GSR: variants seen among roughly 807,000 people sequenced by gnomAD.
GSR encodes the protein glutathione-disulfide reductase.
Under a neutral mutation model 56.5 loss-of-function variants are expected in GSR, and 48 were observed. That is an observed-to-expected ratio of 0.85 (90% CI 0.67 to 1.08). The LOEUF is 1.08. GSR is among the 50% of genes least tolerant of loss of function. The pLI, the probability that GSR is intolerant of heterozygous loss-of-function variation, is 0.00. For synonymous variants in GSR, 264 were observed against 270.8 expected, an observed-to-expected ratio of 0.97 and a Z score of 0.25; for missense variants, 694 against 703.3, an observed-to-expected ratio of 0.99 and a Z score of 0.15.
intron 10 of GSR, among the ~76,000 whole-genome samples, chr8:30,683,613 C>G (rs1319789998): frequency 6.6e-6 from 1 of 151,824 alleles, no homozygotes; most frequent in South Asian, 2.1e-4. Flanking sequence ...ATGGTAAAAC[C>G]CTGTCTCTAC....
At chr8:30,717,618 G>A (rs1804379902) in intron 1 of GSR, among the ~76,000 whole-genome samples, 1 of 152,102 alleles carries the variant, frequency 6.6e-6, no homozygotes, top group South Asian at 2.1e-4. Flanking sequence ...TGCAAGGGAT[G>A]TAGGTTGCAC....
intron 1 of GSR, among the ~76,000 whole-genome samples, chr8:30,718,537 A>G (rs1156465094): frequency 6.6e-6 from 1 of 152,202 alleles, no homozygotes; most frequent in African/African-American, 2.4e-5. Flanking sequence ...CACACAAGGC[A>G]TACGGAAAGG....
chr8:30,715,326 T>G (rs1804296155), intron 1 of GSR, among the ~76,000 whole-genome samples: 1 of 151,756 alleles, frequency 6.6e-6, no homozygotes. Flanking sequence ...CGTATGGCTT[T>G]CTATCTAGAG....
intron 1 of GSR, among the ~76,000 whole-genome samples, chr8:30,719,760 T>C (rs1804466229): frequency 6.6e-6 from 1 of 152,048 alleles, no homozygotes; most frequent in Admixed American, 6.6e-5. Context: ...TGATAACAGG[T>C]GGCAAAATTC....
Position 30,684,484 on chromosome 8 carries a change from T to A in GSR, c.1042-285A>T, listed in dbSNP as rs186267280. On this transcript the variant is annotated intron_variant, in intron 9 of 12. Coordinates refer to ENST00000221130, the MANE Select transcript of GSR (RefSeq NM_000637.5). Reference sequence around the variant, plus strand: ...TTGGGCAACACAGTGAGACCCTGCCTCTGTTAGAAATTAGAAAAAAAAAAG... The same window carrying A: ...TTGGGCAACACAGTGAGACCCTGCCACTGTTAGAAATTAGAAAAAAAAAAG... Among the ~76,000 whole-genome samples the A allele has an allele frequency of 4.5e-3, 689 of 152,222 alleles. 4 individuals carry two copies. The highest frequency in any genetic ancestry group is 7.5e-3 in the Non-Finnish European group (509 of 68,014).
At chr8:30,703,636 C>T (rs1269402075) in intron 4 of GSR, among the ~76,000 whole-genome samples, 1 of 151,622 alleles carries the variant, frequency 6.6e-6, no homozygotes, top group African/African-American at 2.4e-5. Context: ...AGTCCCAGCT[C>T]TTTGAGGGGC....
At chr8:30,697,304 C>T (rs1164299723) in intron 6 of GSR, among the ~76,000 whole-genome samples, 1 of 151,950 alleles carries the variant, frequency 6.6e-6, no homozygotes. Flanking sequence ...ATCCCAGCTA[C>T]TCGGGAGGCT....
At chr8:30,689,852 T>A (rs550832486) in intron 8 of GSR, among the ~76,000 whole-genome samples, 21 of 142,720 alleles carry the variant, frequency 1.5e-4, no homozygotes, top group African/African-American at 2.3e-4. Flanking sequence ...ATATTATATA[T>A]AAATATATTT....
intron 1 of GSR, among the ~76,000 whole-genome samples, chr8:30,718,335 C>T (rs1399524932): frequency 1.3e-5 from 2 of 152,050 alleles, no homozygotes; most frequent in African/African-American, 4.8e-5. Context: ...TCTCAGCTCT[C>T]CCATTTAGTG....
intron 2 of GSR, among the ~76,000 whole-genome samples, chr8:30,710,897 AACTTGTACCAATCAAC>A (rs2128746470): frequency 6.6e-6 from 1 of 152,094 alleles, no homozygotes; most frequent in South Asian, 2.1e-4. Context: ...AAAAAAAATA[AACTTGTACCAATCAAC>A]ACGAAATTTA....
intron 3 of GSR, among the ~76,000 whole-genome samples, chr8:30,708,854 G>A (rs201866399): frequency 1.3e-5 from 2 of 151,678 alleles, no homozygotes; most frequent in Non-Finnish European, 2.9e-5. Flanking sequence ...AGCTACTCAG[G>A]AGGCTGAGGC....
At chr8:30,685,211 C>T (rs574801204) in intron 9 of GSR, among the ~76,000 whole-genome samples, 3 of 152,184 alleles carry the variant, frequency 2.0e-5, no homozygotes, top group South Asian at 4.1e-4. Flanking sequence ...CCACCTGCCT[C>T]GGCCTCCCAG....
At chr8:30,699,651 C>T in intron 6 of GSR, among the ~76,000 whole-genome samples, 1 of 151,624 alleles carries the variant, frequency 6.6e-6, no homozygotes, top group Non-Finnish European at 1.5e-5. Flanking sequence ...ACCATGTTGG[C>T]CAGGCTGGTC....
In GSR at chr8:30,679,569, G is replaced by A. The variant is rs149225584; in HGVS notation, c.1520C>T (p.Thr507Ile). The stretch of plus-strand genomic sequence containing the variant: ...TGAAGAGGTAGGGTGAATGGCGACT[G>A]TGTTGTCAAAGTCTGCCTTCGTTGC... ...MGATKADFDN[T>I]VAIHPTSSEE... The change falls in exon 13 of 13, where the codon ACA becomes ATA. Residue 507 changes from threonine (T) to isoleucine (I), a missense_variant. Thr to Ile is a moderately conservative substitution (Grantham distance 89). Coordinates refer to ENST00000221130, the MANE Select transcript of GSR (RefSeq NM_000637.5). 92 of 1,613,936 alleles carry A rather than the reference G, an allele frequency of 5.7e-5. No homozygotes were observed. In the East Asian group the frequency reaches 1.6e-3, roughly 28 times the overall value.
intron 2 of GSR, among the ~76,000 whole-genome samples, chr8:30,711,514 G>GA (rs1418729894): frequency 1.3e-5 from 2 of 152,150 alleles, no homozygotes; most frequent in African/African-American, 4.8e-5. Context: ...TTTTTGCTGA[G>GA]AAAAAACTAT....
At chr8:30,709,715 A>C (rs1413497961) in intron 3 of GSR, 99 bp downstream of exon 3, 1 of 740,200 alleles carries the variant, frequency 1.4e-6, no homozygotes, top group Non-Finnish European at 2.5e-6. Context: ...GTGAATATTT[A>C]CCGCAATTCC....
At chr8:30,700,176 T>G in intron 5 of GSR, 41 bp from the exon 6 acceptor site, 1 of 1,377,908 alleles carries the variant, frequency 7.3e-7, no homozygotes. Context: ...AAGACTGCTC[T>G]TTCTCTTGCA....
chr8:30,710,714 C>CAAAAAAAAAAAAAAAAAAAAA (rs60532553), intron 2 of GSR, among the ~76,000 whole-genome samples: 1 of 51,044 alleles, frequency 2.0e-5, no homozygotes, highest in African/African-American at 6.6e-5. Flanking sequence ...GACTCTGTCT[C>CAAAAAAAAAAAAAAAAAAAAA]AAAAAAAAAA....
intron 11 of GSR, among the ~76,000 whole-genome samples, chr8:30,681,654 G>A (rs929447921): frequency 6.6e-6 from 1 of 151,942 alleles, no homozygotes; most frequent in Non-Finnish European, 1.5e-5. Context: ...GGAGTCCTTT[G>A]TATTATTTTT....
Sources: gnomAD v4.1 joint callset for allele counts (sites outside exome capture counted in the v4.1 genomes callset) on GRCh38, gnomAD v4.1.1 for gene constraint, MANE v1.5 for transcripts, NCBI Gene and HGNC (gene_info 2026-07-23, HGNC 2026-07-21) for gene names.